RORA: variants seen among roughly 807,000 people sequenced by gnomAD.
The protein encoded by RORA is nuclear receptor ROR-alpha.
Under a neutral mutation model 69.5 loss-of-function variants are expected in RORA, and 7 were observed. The observed-to-expected ratio is 0.10, with a 90% CI of 0.06 to 0.19. The LOEUF (loss-of-function observed/expected upper bound fraction) is 0.19. Ranked by LOEUF, RORA falls within the 10% of genes least tolerant of loss-of-function variation. The pLI is 1.00. For synonymous variants in RORA, 261 were observed against 240.8 expected (o/e 1.08, Z -0.78); for missense variants, 457 against 663.0 (o/e 0.69, Z 3.41).
intron 1 of RORA, among the ~76,000 whole-genome samples, chr15:60,919,249 G>A (rs543031565): frequency 6.6e-6 from 1 of 152,242 alleles, no homozygotes; most frequent in African/African-American, 2.4e-5. Context: ...CCCACACAAC[G>A]GGGTGCCTGG....
chr15:61,062,226 G>C (rs1398905562), intron 1 of RORA, among the ~76,000 whole-genome samples: 15 of 152,192 alleles, frequency 9.9e-5, no homozygotes, highest in Non-Finnish European at 1.6e-4. Context: ...TTGCTGTTCT[G>C]TTTGATCAAG....
intron 1 of RORA, among the ~76,000 whole-genome samples, chr15:60,925,524 G>A (rs1018584458): frequency 2.6e-5 from 4 of 152,248 alleles, no homozygotes; most frequent in East Asian, 1.9e-4. Context: ...AAAGACTCTC[G>A]CCCCTGTGGA....
At position 60,708,801 on chromosome 15, in the gene RORA, C is replaced by T. The variant is rs78043214; in HGVS notation, c.167-30115G>A. 8.3e-3 allele frequency among the ~76,000 whole-genome samples: 1,269 copies of T among 152,276 alleles called. 18 individuals carry two copies. Among genetic ancestry groups the T allele is most frequent in the African/African-American group, 0.029 (1,201 of 41,546 alleles). ...ATATCAGAGCTCAGGCTTGTTTATG[C>T]AGTAGAATGCTGAAAAGGAAGTGAA... is the stretch of plus-strand genomic sequence containing the variant. On this transcript the variant is annotated intron_variant, in intron 1 of 10. Coordinates refer to ENST00000335670, the MANE Select transcript of RORA (RefSeq NM_134261.3).
At chr15:61,191,086 T>C (rs2079795147) in intron 1 of RORA, among the ~76,000 whole-genome samples, 1 of 151,996 alleles carries the variant, frequency 6.6e-6, no homozygotes, top group Admixed American at 6.6e-5. Flanking sequence ...CATTATATAG[T>C]GGAAACAACA....
intron 1 of RORA, among the ~76,000 whole-genome samples, chr15:60,966,940 G>A (rs539558427): frequency 1.1e-4 from 16 of 152,230 alleles, no homozygotes; most frequent in Admixed American, 7.2e-4. Context: ...GCCATGAATC[G>A]GTGTCATAGC....
chr15:60,630,385 TG>T (rs1258413516), intron 2 of RORA: 1 of 152,176 alleles, frequency 6.6e-6, no homozygotes, highest in African/African-American at 2.4e-5. Flanking sequence ...GTCTTGTCTT[TG>T]TATGCCCGTA....
At chr15:61,010,517 T>C (rs1895052959) in intron 1 of RORA, among the ~76,000 whole-genome samples, 1 of 152,200 alleles carries the variant, frequency 6.6e-6, no homozygotes, top group Non-Finnish European at 1.5e-5. Context: ...TCACCTGGTC[T>C]GGCCAATTGT....
At chr15:61,062,695 T>C (rs2078203736) in intron 1 of RORA, among the ~76,000 whole-genome samples, 1 of 152,168 alleles carries the variant, frequency 6.6e-6, no homozygotes, top group Non-Finnish European at 1.5e-5. Flanking sequence ...ATGCTCAGCA[T>C]TCCTATCTGG....
intron 1 of RORA, among the ~76,000 whole-genome samples, chr15:60,949,834 G>A (rs1405499999): frequency 6.6e-6 from 1 of 152,106 alleles, no homozygotes; most frequent in African/African-American, 2.4e-5. Context: ...TCTGTTATGT[G>A]TCACCAACGC....
intron 1 of RORA, among the ~76,000 whole-genome samples, chr15:61,054,686 T>C (rs557175529): frequency 2.6e-5 from 4 of 152,334 alleles, no homozygotes; most frequent in Middle Eastern, 3.4e-3. Context: ...ATATGAATAA[T>C]ATAGGTAAAT....
chr15:60,499,839 T>C (rs1270619024), intron 10 of RORA, 53 bp downstream of exon 10: 10 of 981,512 alleles, frequency 1.0e-5, no homozygotes, highest in Non-Finnish European at 1.6e-5. Flanking sequence ...GGCAGCATGA[T>C]TTGTGCCAGG....
At chr15:61,096,791 C>T (rs1262526805) in intron 1 of RORA, among the ~76,000 whole-genome samples, 2 of 152,206 alleles carry the variant, frequency 1.3e-5, no homozygotes, top group Non-Finnish European at 2.9e-5. Context: ...TGGATAAATA[C>T]ACACTGGGGA....
intron 2 of RORA, among the ~76,000 whole-genome samples, chr15:60,532,723 A>G (rs1436632753): frequency 6.6e-6 from 1 of 152,252 alleles, no homozygotes; most frequent in Admixed American, 6.5e-5. Flanking sequence ...ATCAACTATT[A>G]AATAGAATTT....
chr15:60,913,350 A>G (rs1225280616), intron 1 of RORA, among the ~76,000 whole-genome samples: 3 of 152,224 alleles, frequency 2.0e-5, no homozygotes, highest in African/African-American at 7.2e-5. Context: ...CAGTAGAGCA[A>G]GCCTGTGATC....
chr15:60,590,872 A>G (rs2140516939), intron 2 of RORA, among the ~76,000 whole-genome samples: 1 of 152,336 alleles, frequency 6.6e-6, no homozygotes, highest in Middle Eastern at 3.4e-3. Context: ...CCCTCAAGCC[A>G]CAGGGGAAAA....
chr15:60,943,443 T>A (rs1253998390), intron 1 of RORA, among the ~76,000 whole-genome samples: 2 of 152,054 alleles, frequency 1.3e-5, no homozygotes, highest in Non-Finnish European at 2.9e-5. Flanking sequence ...TAAAAAGAGA[T>A]GTTATTTCTT....
intron 1 of RORA, among the ~76,000 whole-genome samples, chr15:60,849,634 C>T (rs1049136351): frequency 6.6e-6 from 1 of 152,162 alleles, no homozygotes; most frequent in East Asian, 1.9e-4. Flanking sequence ...TGCTGATAAA[C>T]CAGCCTGCAA....
chr15:60,805,848 C>T (rs574501183), intron 1 of RORA, among the ~76,000 whole-genome samples: 2 of 152,146 alleles, frequency 1.3e-5, no homozygotes, highest in Admixed American at 6.5e-5. Context: ...TTCCAAAGAC[C>T]CTTTTATAGC....
At chr15:60,955,411 C>G (rs1437897685) in intron 1 of RORA, among the ~76,000 whole-genome samples, 1 of 152,108 alleles carries the variant, frequency 6.6e-6, no homozygotes, top group African/African-American at 2.4e-5. Context: ...ATAATACATA[C>G]AAAACATATA....
Sources: gnomAD v4.1 joint callset for allele counts (sites outside exome capture counted in the v4.1 genomes callset) on GRCh38, gnomAD v4.1.1 for gene constraint, MANE v1.5 for transcripts, NCBI Gene and HGNC (gene_info 2026-07-23, HGNC 2026-07-21) for gene names.